ANK2: variants seen among roughly 807,000 people sequenced by gnomAD.
The protein encoded by ANK2 is ankyrin-2.
Under a neutral mutation model 360.5 loss-of-function variants are expected in ANK2, and 83 were observed. The observed-to-expected ratio is 0.23, with a 90% CI of 0.19 to 0.28. ANK2 has a LOEUF of 0.28. Among genes scored for constraint, ANK2 ranks in the 10% least tolerant of loss-of-function variants. ANK2 has a pLI of 1.00. For missense variants in ANK2, 4,201 were observed against 4,795.7 expected (o/e 0.88, Z 3.66); for synonymous variants, 1,740 against 1,759.5 (o/e 0.99, Z 0.28).
the ANK2 span, among the ~76,000 whole-genome samples, chr4:112,791,793 G>A: frequency 2.0e-5 from 3 of 151,478 alleles, no homozygotes; most frequent in Non-Finnish European, 4.4e-5. Flanking sequence ...GCCCAGCCTA[G>A]CCTCTTACTT....
chr4:113,113,630 G>A (rs2094501183), intron 1 of ANK2, among the ~76,000 whole-genome samples: 1 of 152,170 alleles, frequency 6.6e-6, no homozygotes, highest in African/African-American at 2.4e-5. Context: ...GAAGGAATCA[G>A]CTTTTGTTAC....
chr4:112,885,040 T>A (rs1170788309), intron 1 of ANK2, among the ~76,000 whole-genome samples: 1 of 152,234 alleles, frequency 6.6e-6, no homozygotes, highest in East Asian at 1.9e-4. Flanking sequence ...TAGATTGACA[T>A]GTTTGCTATC....
At chr4:113,337,722 A>G (rs1483612128) in intron 31 of ANK2, among the ~76,000 whole-genome samples, 2 of 152,148 alleles carry the variant, frequency 1.3e-5, no homozygotes, top group East Asian at 1.9e-4. Context: ...AGATTATTCC[A>G]TAAGTTTAAT....
At chr4:113,105,476 A>T (rs2093497985) in intron 1 of ANK2, among the ~76,000 whole-genome samples, 1 of 152,156 alleles carries the variant, frequency 6.6e-6, no homozygotes, top group Non-Finnish European at 1.5e-5. Flanking sequence ...TTGCTACGAT[A>T]GAAAGATGGG....
At chr4:112,796,348 A>G in the ANK2 span, among the ~76,000 whole-genome samples, 52 of 152,006 alleles carry the variant, frequency 3.4e-4, no homozygotes, top group Non-Finnish European at 5.7e-4. Context: ...GCTTGAAGTC[A>G]GGAGGTGGAG....
At chr4:113,168,183 T>A (rs1424357751) in intron 1 of ANK2, among the ~76,000 whole-genome samples, 3 of 152,212 alleles carry the variant, frequency 2.0e-5, no homozygotes, top group Non-Finnish European at 4.4e-5. Context: ...AATGTAATAC[T>A]AAGTTAAAGG....
the ANK2 span, among the ~76,000 whole-genome samples, chr4:112,767,544 G>T: frequency 6.8e-6 from 1 of 147,680 alleles, no homozygotes. Context: ...CTGGCACTGG[G>T]TGTCAGAGCG....
At chr4:113,173,620 A>G (rs960112190) in intron 1 of ANK2, among the ~76,000 whole-genome samples, 18 of 152,178 alleles carry the variant, frequency 1.2e-4, no homozygotes, top group African/African-American at 4.3e-4. Flanking sequence ...GTGCATCTGG[A>G]GCAACTCTCT....
intron 1 of ANK2, among the ~76,000 whole-genome samples, chr4:112,848,304 T>G (rs576033852): frequency 5.5e-4 from 83 of 152,130 alleles, no homozygotes; most frequent in Non-Finnish European, 1.2e-3. Context: ...GGATTACAGG[T>G]GCACACCACC....
chr4:112,832,239 G>T (rs1025759243), intron 1 of ANK2, among the ~76,000 whole-genome samples: 1 of 152,192 alleles, frequency 6.6e-6, no homozygotes, highest in African/African-American at 2.4e-5. Flanking sequence ...TTTTAGTAGA[G>T]ACAGGGTTTC....
chr4:112,736,466 A>G, the ANK2 span, among the ~76,000 whole-genome samples: 1 of 14,588 alleles, frequency 6.9e-5, no homozygotes, highest in South Asian at 2.1e-3. Context: ...CTCCGTCTCA[A>G]AAAAAAAAAA....
chr4:112,713,295 A>G, the ANK2 span, among the ~76,000 whole-genome samples: 1 of 152,192 alleles, frequency 6.6e-6, no homozygotes, highest in African/African-American at 2.4e-5. Flanking sequence ...AGGTTGGGGC[A>G]GTGATGAATG....
At chr4:112,916,083 G>GTATC in intron 2 of ANK2, among the ~76,000 whole-genome samples, 1 of 152,112 alleles carries the variant, frequency 6.6e-6, no homozygotes. Flanking sequence ...AAGATAAAAA[G>GTATC]TTAAACTACC....
chr4:112,932,512 A>G (rs1431691519), intron 2 of ANK2, among the ~76,000 whole-genome samples: 1 of 151,144 alleles, frequency 6.6e-6, no homozygotes, highest in Non-Finnish European at 1.5e-5. Flanking sequence ...AAAAAAAAAA[A>G]GATACATTTG....
the ANK2 span, among the ~76,000 whole-genome samples, chr4:112,724,064 C>CTTT: frequency 1.5e-5 from 2 of 135,130 alleles, no homozygotes; most frequent in Admixed American, 7.6e-5. Context: ...CAGGAAAAAT[C>CTTT]TTTTTTTTTT....
At chr4:113,199,202 A>G in intron 4 of ANK2, 93 bp downstream of exon 4, 1 of 976,944 alleles carries the variant, frequency 1.0e-6, no homozygotes, top group South Asian at 1.4e-5. Flanking sequence ...TGTTCTACTG[A>G]TAAATTTATT....
chr4:112,849,454 C>G (rs2064105718), intron 1 of ANK2, among the ~76,000 whole-genome samples: 1 of 152,172 alleles, frequency 6.6e-6, no homozygotes, highest in South Asian at 2.1e-4. Context: ...CTTACATTCT[C>G]TCTCTCCCCC....
intron 39 of ANK2, among the ~76,000 whole-genome samples, chr4:113,362,683 C>G (rs1461024002): frequency 6.6e-6 from 1 of 152,150 alleles, no homozygotes; most frequent in East Asian, 1.9e-4. Flanking sequence ...CTTCTGGCCT[C>G]AAGCAATCCC....
At chr4:113,076,865 G>A (rs2080248809) in intron 1 of ANK2, among the ~76,000 whole-genome samples, 1 of 151,604 alleles carries the variant, frequency 6.6e-6, no homozygotes, top group South Asian at 2.1e-4. Context: ...TTTGATTAGT[G>A]ACCATGTTGC....
Sources: allele counts gnomAD v4.1 joint callset (sites outside exome capture counted in the v4.1 genomes callset), GRCh38; gene constraint gnomAD v4.1.1; transcripts MANE v1.5; gene names NCBI Gene and HGNC (gene_info 2026-07-23, HGNC 2026-07-21).